The following TTC33 variants were observed in gnomAD, a reference collection of about 807,000 sequenced individuals.
The protein encoded by TTC33 is tetratricopeptide repeat protein 33.
In TTC33, 24 loss-of-function variants were observed where a neutral mutation model predicts 29.4. The ratio of observed to expected loss-of-function variants is 0.82; its 90% confidence interval spans 0.59 to 1.15. The LOEUF (loss-of-function observed/expected upper bound fraction) is 1.15. TTC33 is among the 50% of genes most tolerant of loss of function. The pLI is 0.00. For missense variants in TTC33, 286 were observed against 310.4 expected, an observed-to-expected ratio of 0.92 and a Z score of 0.59; for synonymous variants, 107 against 100.3, an observed-to-expected ratio of 1.07 and a Z score of -0.40.
Position 40,715,276 on chromosome 5 carries a change from GTT to G in TTC33, c.*867_*868del, listed in dbSNP as rs1223103610. On this transcript the variant is annotated 3_prime_UTR_variant, in exon 5 of 5. Transcript: ENST00000337702. ...GAAAGACACAAGCAAGAAGTAAGTT[GTT>G]TCCAGGGTTTTTAAAGCTTTGTAAA... The G allele has an allele frequency of 1.3e-5, 2 of 152,114 alleles. No individual in the cohort carries two copies. Among genetic ancestry groups the G allele is most frequent in the East Asian group, 3.8e-4 (2 of 5,266 alleles). 9.4% of individuals were successfully genotyped at this position (152,114 alleles called of 1,614,324 possible).
chr5:40,734,501 G>C (rs1452416945), intron 2 of TTC33, among the ~76,000 whole-genome samples: 1 of 152,164 alleles, frequency 6.6e-6, no homozygotes, highest in Non-Finnish European at 1.5e-5. Context: ...TAGTTCCATG[G>C]ACTACAACAG....
intron 2 of TTC33, among the ~76,000 whole-genome samples, chr5:40,745,100 C>T (rs1742765719): frequency 6.6e-6 from 1 of 152,122 alleles, no homozygotes; most frequent in South Asian, 2.1e-4. Context: ...TAGTCAGTGT[C>T]ATGGGGGATA....
intron 4 of TTC33, among the ~76,000 whole-genome samples, chr5:40,718,738 GA>G (rs979996038): frequency 5.1e-4 from 70 of 138,556 alleles, no homozygotes; most frequent in Admixed American, 7.3e-4. Flanking sequence ...ATTCCGTCTC[GA>G]AAAAAAAAAA....
chr5:40,745,130 T>C (rs1742766698), intron 2 of TTC33, among the ~76,000 whole-genome samples: 1 of 152,134 alleles, frequency 6.6e-6, no homozygotes, highest in Admixed American at 6.5e-5. Flanking sequence ...AACCCAAGGA[T>C]GCCAAAAGAC....
chr5:40,714,507 CA>C lies in TTC33; in HGVS notation c.*1637del, dbSNP rs572221769. The C allele has an allele frequency of 4.2e-3, 633 of 152,234 alleles. 3 individuals are homozygous for C. The highest frequency in any genetic ancestry group is 0.015 in the African/African-American group (607 of 41,540). The allele number at this position is 152,234 out of a possible 1,614,324, so 9.4% of individuals were successfully genotyped here. A position where few individuals can be genotyped will look rare whatever the true frequency, so the allele number is the denominator to read the frequency against. On this transcript the variant is annotated 3_prime_UTR_variant, in exon 5 of 5. Transcript: ENST00000337702. Reference sequence around the variant, plus strand: ...AAAAACTATTTATTCACAAATTACACAAAAAACAAACATCCATTACTCAAAA... The same window carrying C: ...AAAAACTATTTATTCACAAATTACACAAAAACAAACATCCATTACTCAAAA...
intron 1 of TTC33, among the ~76,000 whole-genome samples, chr5:40,752,277 C>A (rs923857041): frequency 6.6e-6 from 1 of 152,122 alleles, no homozygotes; most frequent in East Asian, 1.9e-4. Flanking sequence ...AGCAATAAAG[C>A]GGTTTTTGCT....
intron 4 of TTC33, among the ~76,000 whole-genome samples, chr5:40,722,705 C>A (rs1579671634): frequency 2.0e-5 from 3 of 151,934 alleles, no homozygotes; most frequent in African/African-American, 7.2e-5. Context: ...AGCGTCTCCG[C>A]CCGGCCAGCG....
chr5:40,731,914 T>C (rs1742436682), intron 2 of TTC33, among the ~76,000 whole-genome samples: 1 of 152,264 alleles, frequency 6.6e-6, no homozygotes, highest in Non-Finnish European at 1.5e-5. Context: ...CAAAGCATTT[T>C]ATGTTTTACA....
At chr5:40,722,627 C>T (rs1742167436) in intron 4 of TTC33, among the ~76,000 whole-genome samples, 1 of 151,680 alleles carries the variant, frequency 6.6e-6, no homozygotes, top group Admixed American at 6.6e-5. Context: ...CCCCTCCGCC[C>T]AGCAGCTGCC....
chr5:40,753,172 C>G (rs965063586), intron 1 of TTC33, among the ~76,000 whole-genome samples: 4 of 152,010 alleles, frequency 2.6e-5, no homozygotes, highest in African/African-American at 9.7e-5. Flanking sequence ...CAAGACAAGC[C>G]TGGCCAACAT....
intron 4 of TTC33, among the ~76,000 whole-genome samples, chr5:40,722,746 G>A (rs1238592530): frequency 6.6e-6 from 1 of 150,954 alleles, no homozygotes; most frequent in Non-Finnish European, 1.5e-5. Flanking sequence ...GGCAGCCCCT[G>A]CCCGGCCAGA....
chr5:40,743,748 T>A (rs1742742047), intron 2 of TTC33, among the ~76,000 whole-genome samples: 1 of 152,198 alleles, frequency 6.6e-6, no homozygotes, highest in South Asian at 2.1e-4. Flanking sequence ...CACTCCAGCC[T>A]GGGCAACAGT....
intron 2 of TTC33, among the ~76,000 whole-genome samples, chr5:40,735,671 G>C (rs1195993286): frequency 6.6e-6 from 1 of 152,182 alleles, no homozygotes; most frequent in Non-Finnish European, 1.5e-5. Flanking sequence ...AGAGCAAAAG[G>C]AAAGGAGCAA....
At position 40,755,873 on chromosome 5, in the gene TTC33, C is replaced by T. The variant is rs1742976612; in HGVS notation, c.-51G>A. 1 of 151,640 alleles carries T rather than the reference C, an allele frequency of 6.6e-6. No homozygotes were observed. The highest frequency in any genetic ancestry group is 1.5e-5 in the Non-Finnish European group (1 of 68,124). 9.4% of individuals were successfully genotyped at this position (151,640 alleles called of 1,614,324 possible). On this transcript the variant is annotated 5_prime_UTR_variant, in exon 1 of 5. Transcript: ENST00000337702. ...CCTAAGAAACGGGTTTGGCCCACCC[C>T]TGGGCGTTCGAACAGTCCACAGAAG... is the stretch of plus-strand genomic sequence containing the variant.
intron 4 of TTC33, among the ~76,000 whole-genome samples, chr5:40,719,197 AC>A (rs538283512): frequency 6.1e-4 from 93 of 152,276 alleles, no homozygotes; most frequent in African/African-American, 2.1e-3. Flanking sequence ...AAAATTCCAT[AC>A]CTACTGGCAG....
At chr5:40,731,547 C>T (rs774071288) in intron 2 of TTC33, among the ~76,000 whole-genome samples, 10 of 152,232 alleles carry the variant, frequency 6.6e-5, no homozygotes, top group African/African-American at 1.9e-4. Context: ...CATGGAGGCA[C>T]GAGAGAGAAA....
At chr5:40,747,649 A>G (rs1057465740) in intron 1 of TTC33, among the ~76,000 whole-genome samples, 1 of 152,208 alleles carries the variant, frequency 6.6e-6, no homozygotes, top group Non-Finnish European at 1.5e-5. Context: ...AGATGCAGAT[A>G]GCAAAAAACA....
At chr5:40,753,372 A>AAAAAG (rs1554029180) in intron 1 of TTC33, among the ~76,000 whole-genome samples, 311 of 151,314 alleles carry the variant, frequency 2.1e-3, no homozygotes, top group African/African-American at 7.1e-3. Flanking sequence ...CTCAAAAAAA[A>AAAAAG]AAAGAAAGAA....
intron 2 of TTC33, 56 bp from the exon 3 acceptor site, chr5:40,730,399 T>A: frequency 6.9e-7 from 1 of 1,455,282 alleles, no homozygotes; most frequent in Non-Finnish European, 9.6e-7. Context: ...TTTTGGACTT[T>A]CAAAAAAAAA....
Sources: gnomAD v4.1 joint callset for allele counts (sites outside exome capture counted in the v4.1 genomes callset) on GRCh38, gnomAD v4.1.1 for gene constraint, MANE v1.5 for transcripts, NCBI Gene and HGNC (gene_info 2026-07-23, HGNC 2026-07-21) for gene names.